ADGRB3: variants seen among roughly 807,000 people sequenced by gnomAD.
The protein encoded by ADGRB3 is brain-specific angiogenesis inhibitor 3.
A neutral mutation model predicts 193.4 loss-of-function variants in ADGRB3; 37 were observed. The ratio of observed to expected loss-of-function variants is 0.19; its 90% CI spans 0.15 to 0.25. The LOEUF is 0.25. ADGRB3 is among the 10% of genes least tolerant of loss of function. The pLI, the probability that ADGRB3 is intolerant of heterozygous loss-of-function variation, is 1.00. For synonymous variants in ADGRB3, 690 were observed against 644.2 expected, an observed-to-expected ratio of 1.07 and a Z score of -1.08; for missense variants, 1,637 against 1,852.9, an observed-to-expected ratio of 0.88 and a Z score of 2.14.
intron 20 of ADGRB3, among the ~76,000 whole-genome samples, chr6:69,319,450 G>C (rs982981070): frequency 4.0e-5 from 6 of 151,070 alleles, no homozygotes; most frequent in African/African-American, 1.5e-4. Context: ...TACAAAGAAA[G>C]AATGTTAACC....
intron 17 of ADGRB3, among the ~76,000 whole-genome samples, chr6:69,132,403 G>T (rs1176106735): frequency 6.6e-6 from 1 of 152,090 alleles, no homozygotes; most frequent in East Asian, 1.9e-4. Context: ...CCATATGTTT[G>T]TTGGCCACAT....
rs567358160 is a variant in ADGRB3 at position 68,784,542 on chromosome 6, A to G, written c.757+145110A>G. On this transcript the variant is annotated intron_variant, in intron 3 of 31. Coordinates refer to ENST00000370598, the MANE Select transcript of ADGRB3 (RefSeq NM_001704.3). ...CTTCACAGTATAAACTTTCTCATGT[A>G]TATACTTTTTTTCACTAGCAATTGT... is the stretch of plus-strand genomic sequence containing the variant. Among the ~76,000 whole-genome samples the G allele has an allele frequency of 2.5e-4, 38 of 152,174 alleles. No homozygotes were observed. The South Asian group carries it at 5.6e-3, about 22-fold the overall frequency.
chr6:69,103,908 A>G (rs1773137086), intron 17 of ADGRB3, among the ~76,000 whole-genome samples: 2 of 152,066 alleles, frequency 1.3e-5, no homozygotes, highest in African/African-American at 4.8e-5. Context: ...CCTTCCTATC[A>G]TTCAAGGTTT....
Position 69,030,508 on chromosome 6 carries a change from C to T in ADGRB3, c.2107+12009C>T, listed in dbSNP as rs964688794. 2.6e-5 allele frequency among the ~76,000 whole-genome samples: 4 copies of T among 152,112 alleles called. No individual in the cohort carries two copies. The South Asian group carries it at 6.2e-4, about 24-fold the overall frequency. On this transcript the variant is annotated intron_variant, in intron 13 of 31. Coordinates refer to ENST00000370598, the MANE Select transcript of ADGRB3 (RefSeq NM_001704.3). ...GAAACCATCATTCTTAGCAAACTAA[C>T]ACAAGAACAGAAAATCAAACACCGC...
chr6:68,843,074 G>A lies in ADGRB3; in HGVS notation c.758-87485G>A, dbSNP rs564595838. 3.5e-4 allele frequency among the ~76,000 whole-genome samples: 51 copies of A among 145,482 alleles called. No homozygotes were observed. In the East Asian group the frequency reaches 4.9e-3, roughly 14 times the overall value. ...AACAAAAAAAAAAACAGGAAATGTC[G>A]TACTGAATGGGGAAAAACTGAAAGC... On this transcript the variant is annotated intron_variant, in intron 3 of 31. Transcript: ENST00000370598.
chr6:69,297,446 G>T (rs1323237843), intron 20 of ADGRB3, among the ~76,000 whole-genome samples: 1 of 125,070 alleles, frequency 8.0e-6, no homozygotes, highest in Non-Finnish European at 1.6e-5. Context: ...GAAGCCTTTT[G>T]ATGTTAAGCT....
chr6:69,372,723 G>C (rs541007355), intron 30 of ADGRB3, among the ~76,000 whole-genome samples: 1 of 152,064 alleles, frequency 6.6e-6, no homozygotes, highest in East Asian at 1.9e-4. Flanking sequence ...GTTGAACCTG[G>C]TTGATTCAGT....
At position 68,690,622 on chromosome 6, in the gene ADGRB3, C is replaced by T. The variant is rs557458528; in HGVS notation, c.757+51190C>T. ...AGAACACAAAGTTTGACTTAGAAAA[C>T]TTTGGGTTTAATTCACTTTACTAGT... On this transcript the variant is annotated intron_variant, in intron 3 of 31. Coordinates refer to ENST00000370598, the MANE Select transcript of ADGRB3 (RefSeq NM_001704.3). 1.8e-4 allele frequency among the ~76,000 whole-genome samples: 27 copies of T among 152,170 alleles called. 1 individual carries two copies. Among genetic ancestry groups the T allele is most frequent in the African/African-American group, 6.3e-4 (26 of 41,552 alleles).
intron 3 of ADGRB3, among the ~76,000 whole-genome samples, chr6:68,851,354 T>A (rs992157919): frequency 1.3e-5 from 2 of 151,946 alleles, no homozygotes; most frequent in Non-Finnish European, 2.9e-5. Context: ...AATATTTTTC[T>A]TTTTACATGA....
intron 2 of ADGRB3, 41 bp from the exon 3 acceptor site, chr6:68,638,620 A>G: frequency 6.5e-7 from 1 of 1,529,680 alleles, no homozygotes; most frequent in Non-Finnish European, 8.8e-7. Context: ...CAATGCACGT[A>G]GACTCCTACT....
At chr6:69,087,973 A>G (rs1327714981) in intron 17 of ADGRB3, among the ~76,000 whole-genome samples, 1 of 152,188 alleles carries the variant, frequency 6.6e-6, no homozygotes, top group African/African-American at 2.4e-5. Flanking sequence ...GGTCTGCTTC[A>G]AAAACTAAGG....
At chr6:68,913,303 G>T (rs1766775796) in intron 3 of ADGRB3, among the ~76,000 whole-genome samples, 1 of 152,176 alleles carries the variant, frequency 6.6e-6, no homozygotes, top group South Asian at 2.1e-4. Flanking sequence ...CCCAGTAAGG[G>T]CAGACTGACA....
chr6:68,812,723 G>A (rs549000819), intron 3 of ADGRB3, among the ~76,000 whole-genome samples: 6 of 151,492 alleles, frequency 4.0e-5, no homozygotes, highest in South Asian at 2.1e-4. Flanking sequence ...TGTGCAGAAC[G>A]TGCAGGTTTG....
intron 3 of ADGRB3, among the ~76,000 whole-genome samples, chr6:68,702,345 A>G (rs1582134016): frequency 6.6e-6 from 1 of 152,190 alleles, no homozygotes; most frequent in East Asian, 1.9e-4. Context: ...ATCTGTCCCC[A>G]TGATCCAATT....
At chr6:69,334,261 C>T (rs1408538905) in intron 24 of ADGRB3, among the ~76,000 whole-genome samples, 3 of 151,938 alleles carry the variant, frequency 2.0e-5, no homozygotes, top group Non-Finnish European at 4.4e-5. Flanking sequence ...ATTTAATAGT[C>T]CTACTAATTG....
chr6:69,182,049 C>T lies in ADGRB3; in HGVS notation c.2481-51241C>T, dbSNP rs542678422. On this transcript the variant is annotated intron_variant, in intron 17 of 31. Transcript: ENST00000370598. ...CTCACCAGATTTCCCAACCTCAGGA[C>T]TTTTGACTTGGAAATATGGCCAAAA... Among the ~76,000 whole-genome samples the T allele has an allele frequency of 3.3e-5, 5 of 152,182 alleles. No individual in the cohort carries two copies. The East Asian group carries it at 9.7e-4, about 29-fold the overall frequency.
At chr6:68,953,260 A>G (rs1767980792) in intron 6 of ADGRB3, among the ~76,000 whole-genome samples, 1 of 152,140 alleles carries the variant, frequency 6.6e-6, no homozygotes, top group African/African-American at 2.4e-5. Flanking sequence ...AAAGCAGAAT[A>G]CTTAAGGACA....
intron 3 of ADGRB3, among the ~76,000 whole-genome samples, chr6:68,730,915 G>C (rs1175461003): frequency 6.6e-6 from 1 of 151,604 alleles, no homozygotes; most frequent in Admixed American, 6.6e-5. Context: ...ACTGATGCCT[G>C]CTTGGATATC....
intron 17 of ADGRB3, among the ~76,000 whole-genome samples, chr6:69,219,492 TA>T (rs1765846988): frequency 7.1e-6 from 1 of 141,570 alleles, no homozygotes; most frequent in African/African-American, 2.6e-5. Flanking sequence ...TATATATATA[TA>T]CGTGTGTGTG....
Sources: gnomAD v4.1 joint callset for allele counts (sites outside exome capture counted in the v4.1 genomes callset) on GRCh38, gnomAD v4.1.1 for gene constraint, MANE v1.5 for transcripts, NCBI Gene and HGNC (gene_info 2026-07-23, HGNC 2026-07-21) for gene names.